Variants in PLXDC2 observed in about 807,000 individuals in gnomAD.
PLXDC2 encodes plexin domain containing 2, also known as plexin domain-containing protein 2.
A neutral mutation model predicts 68.9 loss-of-function variants in PLXDC2; 40 were observed. That is an observed-to-expected ratio of 0.58 (90% confidence interval 0.45 to 0.76). The LOEUF (loss-of-function observed/expected upper bound fraction) is 0.76, where lower values mean the gene tolerates loss of function less well. PLXDC2 is among the 30% of genes least tolerant of loss of function. The pLI is 0.00. For synonymous variants in PLXDC2, 243 were observed against 234.2 expected, an observed-to-expected ratio of 1.04 and a Z score of -0.34; for missense variants, 644 against 661.9, an observed-to-expected ratio of 0.97 and a Z score of 0.30.
chr10:20,006,519 TC>T (rs1835030884), intron 2 of PLXDC2, among the ~76,000 whole-genome samples: 1 of 152,070 alleles, frequency 6.6e-6, no homozygotes, highest in African/African-American at 2.4e-5. Context: ...ATGGTATTCC[TC>T]AGATGTTCTC....
intron 1 of PLXDC2, among the ~76,000 whole-genome samples, chr10:19,914,633 C>G (rs1411770482): frequency 6.6e-6 from 1 of 152,182 alleles, no homozygotes; most frequent in African/African-American, 2.4e-5. Flanking sequence ...TTGGTACTTT[C>G]ATGTAATGAC....
In PLXDC2 at chr10:20,100,804, T is replaced by C. The variant is rs779362733; in HGVS notation, c.541+32565T>C. ...GAAAATGTCCATTACCAGAACACAG[T>C]GTTTGCTGAGTACTCATCTCAATTG... On this transcript the variant is annotated intron_variant, in intron 4 of 13. Coordinates refer to ENST00000377252, the MANE Select transcript of PLXDC2 (RefSeq NM_032812.9). 4.3e-4 allele frequency among the ~76,000 whole-genome samples: 66 copies of C among 152,242 alleles called. 1 individual carries two copies. In the Middle Eastern group the frequency reaches 0.01, roughly 24 times the overall value.
At chr10:20,209,535 A>AC (rs1295117284) in intron 9 of PLXDC2, among the ~76,000 whole-genome samples, 1 of 151,800 alleles carries the variant, frequency 6.6e-6, no homozygotes, top group Non-Finnish European at 1.5e-5. Context: ...ATAATAAAAA[A>AC]AAAGAATTCA....
In PLXDC2 at chr10:20,279,163, A is replaced by T. The variant is rs72795948; in HGVS notation, c.1474-540A>T. On this transcript the variant is annotated intron_variant, in intron 13 of 13. Coordinates refer to ENST00000377252, the MANE Select transcript of PLXDC2 (RefSeq NM_032812.9). ...ATCATAGATGGGTATGCTTAACTAA[A>T]TAAATAATTTCTTAAGATATTAAGT... is the stretch of plus-strand genomic sequence containing the variant. Among the ~76,000 whole-genome samples, 471 of 152,344 alleles carry T rather than the reference A, an allele frequency of 3.1e-3. 1 individual carries two copies. The highest frequency in any genetic ancestry group is 4.8e-3 in the Non-Finnish European group (329 of 68,030).
intron 4 of PLXDC2, among the ~76,000 whole-genome samples, chr10:20,121,570 G>T (rs1218924324): frequency 6.6e-6 from 1 of 152,194 alleles, no homozygotes; most frequent in Non-Finnish European, 1.5e-5. Flanking sequence ...AGCCTGATGG[G>T]TGTCAGGGTC....
chr10:20,118,348 A>G (rs541798968), intron 4 of PLXDC2, among the ~76,000 whole-genome samples: 57 of 152,270 alleles, frequency 3.7e-4, no homozygotes, highest in African/African-American at 1.3e-3. Context: ...CTCACTGACT[A>G]CAGTATCTCA....
At chr10:19,902,457 G>A (rs528615787) in intron 1 of PLXDC2, among the ~76,000 whole-genome samples, 37 of 152,190 alleles carry the variant, frequency 2.4e-4, no homozygotes, top group African/African-American at 8.9e-4. Flanking sequence ...AAAAGGGAAT[G>A]AGTTCTTGAT....
At chr10:20,105,854 G>C (rs1292635062) in intron 4 of PLXDC2, among the ~76,000 whole-genome samples, 1 of 152,192 alleles carries the variant, frequency 6.6e-6, no homozygotes, top group Non-Finnish European at 1.5e-5. Flanking sequence ...GTGGACGAGA[G>C]CATTATTTAA....
intron 4 of PLXDC2, among the ~76,000 whole-genome samples, chr10:20,106,972 C>A (rs1833499143): frequency 6.7e-6 from 1 of 150,120 alleles, no homozygotes; most frequent in Admixed American, 6.7e-5. Context: ...AAACTCTAAA[C>A]TCCTTTATCC....
At chr10:19,929,337 A>G (rs1365525459) in intron 1 of PLXDC2, among the ~76,000 whole-genome samples, 1 of 152,156 alleles carries the variant, frequency 6.6e-6, no homozygotes, top group Non-Finnish European at 1.5e-5. Flanking sequence ...CCCAACCCTC[A>G]GATTTCTATC....
chr10:19,909,178 C>T (rs1001901909), intron 1 of PLXDC2, among the ~76,000 whole-genome samples: 1 of 152,056 alleles, frequency 6.6e-6, no homozygotes, highest in African/African-American at 2.4e-5. Context: ...GGTGACTAGT[C>T]TCATAAAAGC....
chr10:20,032,350 G>A (rs949494867), intron 2 of PLXDC2, among the ~76,000 whole-genome samples: 2 of 152,186 alleles, frequency 1.3e-5, no homozygotes, highest in Non-Finnish European at 2.9e-5. Flanking sequence ...AAATGAAGTT[G>A]GAGAGATGGT....
chr10:19,866,701 A>G (rs140708187), intron 1 of PLXDC2, among the ~76,000 whole-genome samples: 10 of 152,346 alleles, frequency 6.6e-5, no homozygotes, highest in African/African-American at 2.4e-4. Context: ...AGCAAGGAGA[A>G]TAGGCTGCTA....
At chr10:20,120,711 G>C (rs988602553) in intron 4 of PLXDC2, among the ~76,000 whole-genome samples, 1 of 152,146 alleles carries the variant, frequency 6.6e-6, no homozygotes, top group African/African-American at 2.4e-5. Context: ...AAATCCTCGA[G>C]CTTCATGTGT....
intron 3 of PLXDC2, among the ~76,000 whole-genome samples, chr10:20,063,777 G>A (rs1836147205): frequency 6.6e-6 from 1 of 152,018 alleles, no homozygotes; most frequent in South Asian, 2.1e-4. Context: ...AGCATGATGT[G>A]GCCTTAAGGC....
intron 13 of PLXDC2, among the ~76,000 whole-genome samples, chr10:20,272,639 A>C (rs1316652343): frequency 6.6e-6 from 1 of 152,202 alleles, no homozygotes; most frequent in Non-Finnish European, 1.5e-5. Context: ...AAGGGGTTGC[A>C]TCATCTTGAG....
chr10:20,044,203 CTCTCTCTGTCTTTCTTTCTTTCTT>C (rs1279169621), intron 2 of PLXDC2, among the ~76,000 whole-genome samples: 2 of 131,210 alleles, frequency 1.5e-5, no homozygotes, highest in African/African-American at 6.1e-5. Flanking sequence ...CTCTCTCTCT[CTCTCTCTGTCTTTCTTTCTTTCTT>C]TCTTTCTTTC....
At chr10:19,870,186 T>C (rs1344698453) in intron 1 of PLXDC2, among the ~76,000 whole-genome samples, 1 of 152,102 alleles carries the variant, frequency 6.6e-6, no homozygotes, top group African/African-American at 2.4e-5. Context: ...TACTGCAGCG[T>C]AAAACCCAAA....
rs373716555 is a variant in PLXDC2, at chr10:19,957,418, T to C, written c.113-44357T>C. Among the ~76,000 whole-genome samples the C allele has an allele frequency of 9.7e-4, 148 of 152,262 alleles. No individual in the cohort carries two copies. The South Asian group carries it at 0.03, about 31-fold the overall frequency. The stretch of plus-strand genomic sequence containing the variant: ...CCTTAAAGTATTTTCACACACAAAG[T>C]TCCAGATAACATTTTAGTCATGCAC... On this transcript the variant is annotated intron_variant, in intron 1 of 13. Coordinates refer to ENST00000377252, the MANE Select transcript of PLXDC2 (RefSeq NM_032812.9).
Sources: gnomAD v4.1 joint callset for allele counts (sites outside exome capture counted in the v4.1 genomes callset) on GRCh38, gnomAD v4.1.1 for gene constraint, MANE v1.5 for transcripts, NCBI Gene and HGNC (gene_info 2026-07-23, HGNC 2026-07-21) for gene names.